The following POLR1F variants were observed in gnomAD, a reference collection of about 807,000 sequenced individuals.
The protein encoded by POLR1F is RNA polymerase I subunit F.
In POLR1F, 23 loss-of-function variants were observed where a neutral mutation model predicts 21.8. That is an observed-to-expected ratio of 1.05 (90% CI 0.76 to 1.49). POLR1F has a LOEUF of 1.49. Ranked by LOEUF, POLR1F falls within the 40% of genes most tolerant of loss-of-function variation. The probability of loss-of-function intolerance (pLI) is 0.00; values close to 1 mark genes in which losing one functional copy is unlikely to be tolerated. For missense variants in POLR1F, 435 were observed against 412.1 expected, an observed-to-expected ratio of 1.06 and a Z score of -0.48; for synonymous variants, 162 against 152.8, an observed-to-expected ratio of 1.06 and a Z score of -0.45.
At chr7:19,705,925 C>T (rs939368722) in intron 1 of POLR1F, among the ~76,000 whole-genome samples, 5 of 152,286 alleles carry the variant, frequency 3.3e-5, no homozygotes, top group Admixed American at 6.5e-5. Context: ...TTGGAGAAAA[C>T]TTCCCTGACT....
Position 19,700,138 on chromosome 7 carries a change from T to G in POLR1F, c.539A>C (p.Glu180Ala). The change falls in exon 3 of 4, where the codon GAA (glutamate) becomes GCA (alanine). Residue 180 changes from glutamate (E) to alanine (A), a missense_variant. Coordinates refer to ENST00000222567, the MANE Select transcript of POLR1F (RefSeq NM_001002926.2). ...AGCATCTGAGTCTAAACGAAATACT[T>G]CAAATTCTAGTTCATCACCCATGTT... ...EINMGDELEFEVFRLDSDAAG... is the reference protein window; with the variant it reads ...EINMGDELEFAVFRLDSDAAG... The G allele has an allele frequency of 6.2e-7, 1 of 1,613,940 alleles. No homozygotes were observed. The highest frequency in any genetic ancestry group is 8.5e-7 in the Non-Finnish European group (1 of 1,179,850).
Position 19,698,316 on chromosome 7 carries a change from C to A in POLR1F, c.1017G>T (p.Ter339TyrextTer18). ...PKRKGKSNFL[*>Y] is the part of the protein sequence containing the mutation. The stretch of plus-strand genomic sequence containing the variant: ...AAAACTGAATCGTGTTTAAAATACA[C>A]TAAAGAAAATTACTTTTCCCTTTTC... The change falls in exon 4 of 4, where the codon TAG (stop) becomes TAT (tyrosine). Residue 339 changes from the stop codon to tyrosine, a stop_lost. Transcript: ENST00000222567. 1 of 1,550,062 alleles carries A rather than the reference C, an allele frequency of 6.5e-7. No homozygotes were observed.
chr7:19,703,959 A>C (rs558414762), intron 2 of POLR1F, among the ~76,000 whole-genome samples: 1 of 152,310 alleles, frequency 6.6e-6, no homozygotes, highest in East Asian at 1.9e-4. Context: ...TTAATTTCCA[A>C]ATACAAATCT....
intron 2 of POLR1F, among the ~76,000 whole-genome samples, chr7:19,704,215 C>T (rs746922522): frequency 6.6e-5 from 10 of 152,130 alleles, no homozygotes; most frequent in Non-Finnish European, 2.9e-5. Context: ...CATGTGTATA[C>T]ACACAGAGAA....
chr7:19,708,795 C>G lies in POLR1F; in HGVS notation c.222G>C (p.Gln74His). The G allele has an allele frequency of 6.2e-7, 1 of 1,613,858 alleles. No homozygotes were observed. Among genetic ancestry groups the G allele is most frequent in the Non-Finnish European group, 8.5e-7 (1 of 1,179,702 alleles). The stretch of plus-strand genomic sequence containing the variant: ...AATAGCGAAGGAGCTCCGCATCAAG[C>G]TGTTCTCGAATGCCGGTGCGTTTCC... ...LNRKRTGIRE[Q>H]LDAELLRYSE... The change falls in exon 1 of 4, where the codon CAG becomes CAC. Residue 74 changes from glutamine to histidine, a missense_variant. Gln to His is a conservative substitution (Grantham distance 24, BLOSUM62 0). Coordinates refer to ENST00000222567, the MANE Select transcript of POLR1F (RefSeq NM_001002926.2).
chr7:19,708,494 G>C (rs549922080), intron 1 of POLR1F, among the ~76,000 whole-genome samples: 12 of 152,136 alleles, frequency 7.9e-5, no homozygotes, highest in South Asian at 2.1e-4. Flanking sequence ...CCCTACACCA[G>C]GGTTCTGGAG....
chr7:19,704,679 AT>A (rs1783493372), intron 2 of POLR1F, 99 bp downstream of exon 2: 7 of 1,078,868 alleles, frequency 6.5e-6, no homozygotes, highest in South Asian at 1.7e-5. Flanking sequence ...CACAATAGCA[AT>A]TTATTTGAGT....
chr7:19,699,340 A>G (rs1314098860), intron 3 of POLR1F, among the ~76,000 whole-genome samples: 1 of 152,214 alleles, frequency 6.6e-6, no homozygotes, highest in Non-Finnish European at 1.5e-5. Context: ...CACTAGGCAC[A>G]TGTACCTAAT....
intron 2 of POLR1F, among the ~76,000 whole-genome samples, chr7:19,701,723 G>C (rs1046755049): frequency 1.6e-4 from 25 of 152,214 alleles, no homozygotes; most frequent in African/African-American, 5.1e-4. Flanking sequence ...TGGCCTCTGG[G>C]GGGGCAGGGA....
At chr7:19,706,930 A>C (rs531799664) in intron 1 of POLR1F, among the ~76,000 whole-genome samples, 1 of 152,254 alleles carries the variant, frequency 6.6e-6, no homozygotes, top group African/African-American at 2.4e-5. Flanking sequence ...CCTGATTTGC[A>C]CTTGAATAAA....
rs1443033781 is a variant in POLR1F at position 19,700,291 on chromosome 7, G to T, written c.397-11C>A. On this transcript the variant is annotated splice_polypyrimidine_tract_variant and intron_variant, in intron 2 of 3. Coordinates refer to ENST00000222567, the MANE Select transcript of POLR1F (RefSeq NM_001002926.2). The stretch of plus-strand genomic sequence containing the variant: ...TTTATTAACTATACCCTGGGAAGAA[G>T]AAGGAAGAAAGAGCGTAACATAAAG... 6.2e-7 allele frequency: 1 copy of T among 1,608,686 alleles called. No individual in the cohort carries two copies. Among genetic ancestry groups the T allele is most frequent in the Non-Finnish European group, 8.5e-7 (1 of 1,175,476 alleles).
intron 2 of POLR1F, among the ~76,000 whole-genome samples, chr7:19,701,566 G>A (rs1197457848): frequency 6.6e-6 from 1 of 152,204 alleles, no homozygotes; most frequent in Non-Finnish European, 1.5e-5. Flanking sequence ...AGGCCAAAAG[G>A]TTACATAGCT....
chr7:19,707,678 T>C (rs1783548716), intron 1 of POLR1F, among the ~76,000 whole-genome samples: 1 of 152,252 alleles, frequency 6.6e-6, no homozygotes, highest in Non-Finnish European at 1.5e-5. Flanking sequence ...CCTTATCTTA[T>C]TAGATTTCTG....
rs972166463 is a variant in POLR1F, at chr7:19,704,910, C to G, written c.265G>C (p.Val89Leu). ...TTGATGTTATCATATGCAATAGGGA[C>G]ACCTAAAAGGCTGTAAAAAGAAAAA... is the stretch of plus-strand genomic sequence containing the variant. The part of the protein sequence containing the change: ...LLRYSESLLG[V>L]PIAYDNIKVV... Residue 89 changes from valine (V) to leucine (L), a missense_variant, in exon 2 of 4, where the codon GTC becomes CTC. Coordinates refer to ENST00000222567, the MANE Select transcript of POLR1F (RefSeq NM_001002926.2). The G allele has an allele frequency of 6.3e-7, 1 of 1,577,758 alleles. No individual in the cohort carries two copies. The highest frequency in any genetic ancestry group is 8.6e-7 in the Non-Finnish European group (1 of 1,169,264).
At position 19,700,056 on chromosome 7, in the gene POLR1F, G is replaced by A. The variant is rs181968802; in HGVS notation, c.605+16C>T. The A allele has an allele frequency of 9.1e-5, 145 of 1,594,372 alleles. No homozygotes were observed. The highest frequency in any genetic ancestry group is 1.7e-4 in the Middle Eastern group (1 of 5,998). On this transcript the variant is annotated intron_variant, in intron 3 of 3. Transcript: ENST00000222567. ...AAATTAAGTACCTAGTGATAATTAC[G>A]TAATGATAAACTAACCTTGTGATAT...
At chr7:19,702,026 C>T (rs73680661) in intron 2 of POLR1F, among the ~76,000 whole-genome samples, 2,013 of 152,110 alleles carry the variant, frequency 0.013, 31 homozygotes, top group African/African-American at 0.045. Flanking sequence ...GGCAGACCCC[C>T]GCAGCTAATG....
rs1279145880 is a variant in POLR1F at position 19,698,194 on chromosome 7, A to T, written c.*122T>A. 19 of 844,894 alleles carry T rather than the reference A, an allele frequency of 2.2e-5. No homozygotes were observed. The highest frequency in any genetic ancestry group is 2.8e-5 in the Non-Finnish European group (17 of 600,306). The allele number at this position is 844,894 out of a possible 1,614,324, so 52.3% of individuals were successfully genotyped here. ...TTAGCATATAAAGCCTCCTACTCCTAGTTAAGTATTTTCTGTTTTGTAAAC... is the reference window on the plus strand; with the variant it reads ...TTAGCATATAAAGCCTCCTACTCCTTGTTAAGTATTTTCTGTTTTGTAAAC... On this transcript the variant is annotated 3_prime_UTR_variant, in exon 4 of 4. Transcript: ENST00000222567.
In POLR1F at chr7:19,708,784, T is replaced by C. The variant is rs754965813; in HGVS notation, c.233A>G (p.Glu78Gly). The C allele has an allele frequency of 6.2e-7, 1 of 1,612,782 alleles. No individual in the cohort carries two copies. Among genetic ancestry groups the C allele is most frequent in the Non-Finnish European group, 8.5e-7 (1 of 1,178,860 alleles). ...GTACCTCTCAGAATAGCGAAGGAGCTCCGCATCAAGCTGTTCTCGAATGCC... is the reference window on the plus strand; with the variant it reads ...GTACCTCTCAGAATAGCGAAGGAGCCCCGCATCAAGCTGTTCTCGAATGCC... ...RTGIREQLDA[E>G]LLRYSESLLG... Residue 78 changes from glutamate (E) to glycine (G), a missense_variant, in exon 1 of 4, where the codon GAG becomes GGG. Glu to Gly is a moderately conservative substitution (Grantham distance 98). Transcript: ENST00000222567.
chr7:19,704,759 G>T lies in POLR1F; in HGVS notation c.396+20C>A, dbSNP rs772191730. The T allele has an allele frequency of 2.5e-6, 4 of 1,572,464 alleles. No individual in the cohort carries two copies. In the Admixed American group the frequency reaches 8.3e-5, roughly 33 times the overall value. ...TTATAGAATTATACAAAGGGAGCTA[G>T]AAAAAAGTGATACACATACCATAAG... On this transcript the variant is annotated intron_variant, in intron 2 of 3. Coordinates refer to ENST00000222567, the MANE Select transcript of POLR1F (RefSeq NM_001002926.2).
Sources: gnomAD v4.1 joint callset for allele counts (sites outside exome capture counted in the v4.1 genomes callset) on GRCh38, gnomAD v4.1.1 for gene constraint, MANE v1.5 for transcripts, NCBI Gene and HGNC (gene_info 2026-07-23, HGNC 2026-07-21) for gene names.